The following MYO19 variants were observed in gnomAD, a reference collection of about 807,000 sequenced individuals.
MYO19 encodes the protein myosin XIX.
MYO19 carries 132 observed loss-of-function variants against 129.2 expected under a neutral mutation model. The observed-to-expected ratio is 1.02, with a 90% CI of 0.89 to 1.18. The LOEUF (loss-of-function observed/expected upper bound fraction) is 1.18. MYO19 is among the 50% of genes most tolerant of loss of function. The pLI, the probability that MYO19 is intolerant of heterozygous loss-of-function variation, is 0.00. For missense variants in MYO19, 1,210 were observed against 1,216.7 expected, an observed-to-expected ratio of 0.99 and a Z score of 0.08; for synonymous variants, 531 against 477.2, an observed-to-expected ratio of 1.11 and a Z score of -1.47.
intron 11 of MYO19, chr17:36,512,515 T>C (rs2072428757): frequency 1.1e-6 from 1 of 913,220 alleles, no homozygotes; most frequent in African/African-American, 1.8e-5. Context: ...CACAACTTGC[T>C]CCAGAAGACT....
At chr17:36,516,520 G>A (rs756700978) in intron 6 of MYO19, among the ~76,000 whole-genome samples, 5 of 152,074 alleles carry the variant, frequency 3.3e-5, no homozygotes, top group Admixed American at 6.5e-5. Flanking sequence ...ACAGGCGCAC[G>A]CCACCACGCC....
chr17:36,514,048 G>A (rs1162057248), intron 9 of MYO19, among the ~76,000 whole-genome samples: 2 of 152,202 alleles, frequency 1.3e-5, no homozygotes, highest in Non-Finnish European at 2.9e-5. Context: ...TGAGAGAAAG[G>A]GAGATATCCT....
At chr17:36,502,735 C>A in intron 21 of MYO19, 1 of 245,126 alleles carries the variant, frequency 4.1e-6, no homozygotes, top group Non-Finnish European at 7.9e-6. Context: ...CAACACAGAA[C>A]TGGCTGGAGT....
chr17:36,535,596 C>T (rs1485474715), upstream of MYO19: 1 of 152,274 alleles, frequency 6.6e-6, no homozygotes, highest in African/African-American at 2.4e-5. Flanking sequence ...ATTTGGAGTA[C>T]GTGAGGTATA....
In MYO19 at chr17:36,513,499, C is replaced by T; in HGVS notation, c.824G>A (p.Cys275Tyr). 1 of 1,613,968 alleles carries T rather than the reference C, an allele frequency of 6.2e-7. No individual in the cohort carries two copies. The highest frequency in any genetic ancestry group is 8.5e-7 in the Non-Finnish European group (1 of 1,179,874). ...PNPERSLEED[C>Y]FEVTREAMLH... Reference sequence around the variant, plus strand: ...CATGGCCTCTCTGGTCACCTCAAAACAATCCTCTGAAAAAGAATCCAAGTT... The same window carrying T: ...CATGGCCTCTCTGGTCACCTCAAAATAATCCTCTGAAAAAGAATCCAAGTT... Residue 275 changes from cysteine to tyrosine, a missense_variant, in exon 11 of 26, where the codon TGT becomes TAT. Cys to Tyr is a radical substitution (Grantham distance 194). Transcript: ENST00000614623.
At chr17:36,508,829 G>A in intron 14 of MYO19, 1 of 555,824 alleles carries the variant, frequency 1.8e-6, no homozygotes, top group Non-Finnish European at 3.2e-6. Context: ...TTCAGACAAG[G>A]CACTGTTGAG....
At chr17:36,530,155 T>C (rs2073741088) in intron 3 of MYO19, among the ~76,000 whole-genome samples, 1 of 152,128 alleles carries the variant, frequency 6.6e-6, no homozygotes, top group Admixed American at 6.5e-5. Flanking sequence ...ATAAAAAATA[T>C]TTAAAAATTA....
chr17:36,518,091 A>AC (rs1240104374), intron 6 of MYO19, among the ~76,000 whole-genome samples: 2 of 150,872 alleles, frequency 1.3e-5, no homozygotes, highest in Non-Finnish European at 3.0e-5. Context: ...ACTATCTCAA[A>AC]AAAAAAAAAA....
At chr17:36,498,718 C>T (rs1346605871) in intron 24 of MYO19, 159 bp from the exon 25 acceptor site, 3 of 759,194 alleles carry the variant, frequency 4.0e-6, no homozygotes, top group Admixed American at 5.8e-5. Flanking sequence ...GTTCCATATG[C>T]CACAAGTCTA....
At position 36,498,261 on chromosome 17, in the gene MYO19, C is replaced by T. The variant is rs377461245; in HGVS notation, c.2757+5G>A. ...AAGCTGTCATGGCCATCACACACAA[C>T]GTACCTGAGGCAGCGCTCGGATGGA... On this transcript the variant is annotated splice_donor_5th_base_variant and intron_variant, in intron 25 of 25. Coordinates refer to ENST00000614623, the MANE Select transcript of MYO19 (RefSeq NM_001163735.2). 3.0e-5 allele frequency: 49 copies of T among 1,607,548 alleles called. No homozygotes were observed. In the African/African-American group the frequency reaches 3.7e-4, roughly 12 times the overall value.
intron 5 of MYO19, among the ~76,000 whole-genome samples, chr17:36,526,958 TC>T (rs1249322344): frequency 6.6e-6 from 1 of 151,984 alleles, no homozygotes. Context: ...GGTGGGTAGA[TC>T]ACCTGATGTC....
chr17:36,531,864 G>C (rs1336966953), intron 3 of MYO19, among the ~76,000 whole-genome samples: 1 of 152,126 alleles, frequency 6.6e-6, no homozygotes, highest in Non-Finnish European at 1.5e-5. Context: ...CCAGTGCCTG[G>C]CAACACTTGG....
At chr17:36,541,072 C>T (rs977369360) in intron 2 of MYO19, among the ~76,000 whole-genome samples, 9 of 152,148 alleles carry the variant, frequency 5.9e-5, no homozygotes, top group South Asian at 2.1e-4. Context: ...CTCTGCCTCC[C>T]GAGTAGCTGG....
At chr17:36,537,699 A>G, upstream of MYO19, 2 of 1,614,128 alleles carry the variant, frequency 1.2e-6, no homozygotes, top group Non-Finnish European at 1.7e-6. Context: ...GCATTACTTT[A>G]CAAACTCATT....
chr17:36,529,667 G>A (rs1044146572), intron 3 of MYO19, among the ~76,000 whole-genome samples: 4 of 152,034 alleles, frequency 2.6e-5, no homozygotes, highest in Admixed American at 6.6e-5. Context: ...GGAGGTCAGA[G>A]CACAGCTATA....
intron 3 of MYO19, among the ~76,000 whole-genome samples, chr17:36,529,130 G>A (rs969350987): frequency 1.3e-5 from 2 of 151,876 alleles, no homozygotes; most frequent in African/African-American, 4.8e-5. Context: ...AAGGGAACAG[G>A]TCCTTTCTCC....
intron 7 of MYO19, 137 bp from the exon 8 acceptor site, chr17:36,515,319 A>G: frequency 1.5e-6 from 1 of 674,922 alleles, no homozygotes; most frequent in Middle Eastern, 2.6e-4. Context: ...TTCATGTCAT[A>G]GGGGACAGGA....
chr17:36,508,064 C>T (rs956815383), intron 14 of MYO19, 140 bp from the exon 15 acceptor site: 2 of 882,440 alleles, frequency 2.3e-6, no homozygotes, highest in Admixed American at 6.8e-5. Context: ...AGCATGACAC[C>T]TGTGGTGGGC....
intron 4 of MYO19, 42 bp from the exon 5 acceptor site, chr17:36,527,741 G>A: frequency 6.3e-7 from 1 of 1,585,102 alleles, no homozygotes; most frequent in Non-Finnish European, 8.6e-7. Flanking sequence ...CTCAAATATA[G>A]TCAAACCACA....
Sources: gnomAD v4.1 joint callset for allele counts (sites outside exome capture counted in the v4.1 genomes callset) on GRCh38, gnomAD v4.1.1 for gene constraint, MANE v1.5 for transcripts, NCBI Gene and HGNC (gene_info 2026-07-23, HGNC 2026-07-21) for gene names.